NEK1: variants seen among roughly 807,000 people sequenced by gnomAD.
NEK1 encodes the protein serine/threonine-protein kinase Nek1.
In NEK1, 137 loss-of-function variants were observed where a neutral mutation model predicts 182.1. The ratio of observed to expected loss-of-function variants is 0.75; its 90% CI spans 0.65 to 0.87. The LOEUF (loss-of-function observed/expected upper bound fraction) is 0.87, where lower values mean the gene tolerates loss of function less well. Ranked by LOEUF, NEK1 falls within the 40% of genes least tolerant of loss-of-function variation. The probability of loss-of-function intolerance (pLI) is 0.00; values close to 1 mark genes in which losing one functional copy is unlikely to be tolerated. For missense variants in NEK1, 1,391 were observed against 1,494.4 expected (o/e 0.93, Z 1.14); for synonymous variants, 513 against 492.2 (o/e 1.04, Z -0.56).
chr4:169,406,616 T>G lies in NEK1; in HGVS notation c.3354A>C (p.Gly1118=), dbSNP rs758692344. ...DEIEDENIKE[G]PSDSEDIVFE... ...CTTACATGTCTTCAGAATCAGAAGG[T>G]CCTTCTTTAATGTTTTCATCTTCAA... Residue 1118 remains glycine (G), a synonymous_variant, in exon 32 of 36, where the codon GGA becomes GGC. Transcript: ENST00000507142. 7 of 1,603,340 alleles carry G rather than the reference T, an allele frequency of 4.4e-6. No homozygotes were observed. The East Asian group carries it at 1.6e-4, about 36-fold the overall frequency.
chr4:169,574,612 A>C (rs797020414), intron 12 of NEK1, among the ~76,000 whole-genome samples: 1 of 117,976 alleles, frequency 8.5e-6, no homozygotes, highest in African/African-American at 3.6e-5. Context: ...ACCTCAAAAG[A>C]AAAAAAAAAA....
At chr4:169,501,526 A>T (rs1303552491) in intron 23 of NEK1, among the ~76,000 whole-genome samples, 2 of 152,198 alleles carry the variant, frequency 1.3e-5, no homozygotes, top group Non-Finnish European at 2.9e-5. Context: ...TAAATTTTTT[A>T]AAAAACTGAA....
At chr4:169,558,758 G>A (rs373943695) in intron 16 of NEK1, among the ~76,000 whole-genome samples, 50 of 152,112 alleles carry the variant, frequency 3.3e-4, no homozygotes, top group African/African-American at 8.7e-4. Context: ...AAACAAAGAA[G>A]GTCCAGATTT....
chr4:169,426,262 A>AAC, intron 29 of NEK1, 28 bp from the exon 30 acceptor site: 1 of 1,566,344 alleles, frequency 6.4e-7, no homozygotes, highest in South Asian at 1.1e-5. Context: ...ACCAATTAAA[A>AAC]ACACACACAC....
At chr4:169,513,237 T>A (rs541234692) in intron 19 of NEK1, among the ~76,000 whole-genome samples, 1 of 152,312 alleles carries the variant, frequency 6.6e-6, no homozygotes, top group Admixed American at 6.5e-5. Flanking sequence ...TCTCTCCAAG[T>A]ATTTAGGTCT....
At chr4:169,582,042 T>G (rs1007572744) in intron 10 of NEK1, among the ~76,000 whole-genome samples, 18 of 152,178 alleles carry the variant, frequency 1.2e-4, no homozygotes, top group Non-Finnish European at 2.9e-5. Context: ...CAAGTAATTT[T>G]TTCTCCTTAC....
intron 3 of NEK1, 142 bp from the exon 4 acceptor site, chr4:169,602,246 T>C (rs906707438): frequency 1.8e-5 from 12 of 664,398 alleles, no homozygotes; most frequent in African/African-American, 1.6e-4. Context: ...AAAGAATGAG[T>C]TGAATCTGTA....
rs530874812 is a variant in NEK1 at position 169,603,044 on chromosome 4, C to A, written c.-48-366G>T. Among the ~76,000 whole-genome samples the A allele has an allele frequency of 6.6e-5, 10 of 152,040 alleles. No homozygotes were observed. In the East Asian group the frequency reaches 1.9e-3, roughly 29 times the overall value. On this transcript the variant is annotated intron_variant, in intron 2 of 35. Transcript: ENST00000507142. ...ATTTCTTGAAGTTATTTAACTAATC[C>A]CCTCTTATTCAACATTCGTTTAAAA...
At chr4:169,427,575 G>A (rs942010605) in intron 29 of NEK1, among the ~76,000 whole-genome samples, 5 of 151,156 alleles carry the variant, frequency 3.3e-5, no homozygotes, top group Admixed American at 1.3e-4. Flanking sequence ...GCTCACTGCC[G>A]CCTCCTCCTC....
At chr4:169,570,293 C>T (rs2149998168) in intron 12 of NEK1, among the ~76,000 whole-genome samples, 1 of 151,766 alleles carries the variant, frequency 6.6e-6, no homozygotes, top group East Asian at 2.0e-4. Flanking sequence ...CCCCTCCGCC[C>T]AGCAGCCACC....
At chr4:169,538,380 T>C (rs17054996) in intron 18 of NEK1, among the ~76,000 whole-genome samples, 10,879 of 152,198 alleles carry the variant, frequency 0.071, 1,280 homozygotes, top group African/African-American at 0.25. Context: ...AGTAAAAAGC[T>C]ATGTTTGAAT....
chr4:169,404,467 G>A (rs924611839), intron 32 of NEK1, among the ~76,000 whole-genome samples: 2 of 152,166 alleles, frequency 1.3e-5, no homozygotes, highest in East Asian at 1.9e-4. Flanking sequence ...TCGATCCTAC[G>A]TAACTCAATA....
At position 169,470,489 on chromosome 4, in the gene NEK1, C is replaced by T. The variant is rs542383604; in HGVS notation, c.2434+6635G>A. ...TGTAGGGTTTTTGCAGAGAGATCTGCTGTTAGTTCAATGGGCGTCCCTTTG... is the reference window on the plus strand; with the variant it reads ...TGTAGGGTTTTTGCAGAGAGATCTGTTGTTAGTTCAATGGGCGTCCCTTTG... On this transcript the variant is annotated intron_variant, in intron 26 of 35. Coordinates refer to ENST00000507142, the MANE Select transcript of NEK1 (RefSeq NM_001199397.3). Among the ~76,000 whole-genome samples, 54 of 152,316 alleles carry T rather than the reference C, an allele frequency of 3.5e-4. 1 individual carries two copies. In the South Asian group the frequency reaches 8.1e-3, roughly 23 times the overall value.
chr4:169,427,347 C>T (rs555856364), intron 29 of NEK1, among the ~76,000 whole-genome samples: 6 of 152,140 alleles, frequency 3.9e-5, no homozygotes, highest in South Asian at 4.1e-4. Context: ...AGGATGGTCT[C>T]GATCTCCTGA....
intron 19 of NEK1, among the ~76,000 whole-genome samples, chr4:169,522,216 T>G (rs902974684): frequency 6.6e-6 from 1 of 152,278 alleles, no homozygotes; most frequent in African/African-American, 2.4e-5. Context: ...AATTTCCATT[T>G]AATTCTTCCT....
chr4:169,576,762 C>T (rs10023407), intron 12 of NEK1, 166 bp downstream of exon 12: 384 of 596,598 alleles, frequency 6.4e-4, no homozygotes, highest in African/African-American at 4.6e-3. Flanking sequence ...TTTATGACTC[C>T]TGTAAGGCTT....
At chr4:169,490,104 C>A (rs1749778824) in intron 23 of NEK1, among the ~76,000 whole-genome samples, 3 of 152,148 alleles carry the variant, frequency 2.0e-5, no homozygotes. Context: ...CACTGAGAAT[C>A]CTAATAACCT....
chr4:169,410,522 C>G (rs1295526878), intron 31 of NEK1, among the ~76,000 whole-genome samples: 1 of 152,136 alleles, frequency 6.6e-6, no homozygotes, highest in African/African-American at 2.4e-5. Flanking sequence ...TGGACACATT[C>G]TTTTAGCCTC....
Position 169,477,162 on chromosome 4 carries a change from T to C in NEK1, c.2396A>G (p.Asp799Gly), listed in dbSNP as rs1747108377. 1.2e-6 allele frequency: 2 copies of C among 1,607,412 alleles called. No individual in the cohort carries two copies. Among genetic ancestry groups the C allele is most frequent in the Non-Finnish European group, 1.7e-6 (2 of 1,176,448 alleles). ...EAGGQLVIPL[D>G]ELTLDTSFST... ...GAAGGATGTATCTAGTGTTAACTCA[T>C]CCAGAGGAATCACAAGTTGACCTCC... The change falls in exon 26 of 36, where the codon GAT (aspartate) becomes GGT (glycine). Residue 799 changes from aspartate to glycine, a missense_variant. By Grantham distance (94) the Asp-to-Gly change is moderately conservative. Around this residue, in one of 5 missense-constraint regions of NEK1, gnomAD observed 1,216 missense variants for 1,277.6 expected, o/e 0.95. Coordinates refer to ENST00000507142, the MANE Select transcript of NEK1 (RefSeq NM_001199397.3).
Sources: allele counts gnomAD v4.1 joint callset (sites outside exome capture counted in the v4.1 genomes callset), GRCh38; gene constraint gnomAD v4.1.1; regional missense constraint gnomAD v4.1.1; transcripts MANE v1.5; gene names NCBI Gene and HGNC (gene_info 2026-07-23, HGNC 2026-07-21).